Variants in GPHN observed in about 807,000 individuals in gnomAD.
GPHN encodes the protein gephyrin.
GPHN carries 17 observed loss-of-function variants against 95.5 expected under a neutral mutation model. The observed-to-expected ratio is 0.18, with a 90% CI of 0.12 to 0.27. GPHN has a LOEUF of 0.27. Ranked by LOEUF, GPHN falls within the 10% of genes least tolerant of loss-of-function variation. The pLI is 1.00. For missense variants in GPHN, 660 were observed against 978.1 expected (o/e 0.67, Z 4.34); for synonymous variants, 320 against 322.5 (o/e 0.99, Z 0.08).
intron 2 of GPHN, among the ~76,000 whole-genome samples, chr14:66,726,544 G>A (rs983497599): frequency 6.6e-6 from 1 of 152,092 alleles, no homozygotes; most frequent in East Asian, 1.9e-4. Context: ...ACTATTAATA[G>A]CTGGAAAATG....
the GPHN span, chr14:67,695,699 A>G: frequency 6.2e-7 from 1 of 1,614,088 alleles, no homozygotes; most frequent in Non-Finnish European, 8.5e-7. Context: ...CATGAGCTCA[A>G]CCATCTCTGC....
At chr14:67,064,128 A>G (rs538187782) in intron 11 of GPHN, among the ~76,000 whole-genome samples, 22 of 152,242 alleles carry the variant, frequency 1.4e-4, no homozygotes, top group Non-Finnish European at 2.6e-4. Flanking sequence ...GTTTATTGAG[A>G]GTTTTTAGCA....
At chr14:67,125,548 G>T (rs577840627) in intron 17 of GPHN, among the ~76,000 whole-genome samples, 1 of 152,166 alleles carries the variant, frequency 6.6e-6, no homozygotes, top group African/African-American at 2.4e-5. Flanking sequence ...AGGCCAAGGC[G>T]GGCGGATCAC....
chr14:67,638,726 T>C, the GPHN span, among the ~76,000 whole-genome samples: 1 of 152,124 alleles, frequency 6.6e-6, no homozygotes, highest in Non-Finnish European at 1.5e-5. Context: ...ATAAATCCCT[T>C]TAGAGGAGGC....
At chr14:67,078,147 AGCAAAAT>A (rs1165947874) in intron 11 of GPHN, among the ~76,000 whole-genome samples, 4 of 152,170 alleles carry the variant, frequency 2.6e-5, no homozygotes, top group Non-Finnish European at 5.9e-5. Flanking sequence ...CCTAACCTTC[AGCAAAAT>A]GAAATGCTCA....
chr14:67,569,176 G>C, the GPHN span: 1 of 1,613,190 alleles, frequency 6.2e-7, no homozygotes, highest in Non-Finnish European at 8.5e-7. Context: ...CGGGCATGCG[G>C]CTCTCAGATA....
intron 12 of GPHN, among the ~76,000 whole-genome samples, chr14:67,092,149 C>T (rs2077175302): frequency 6.6e-6 from 1 of 152,040 alleles, no homozygotes; most frequent in Admixed American, 6.6e-5. Context: ...TACCTCCTCA[C>T]TTTTTTGTCT....
intron 2 of GPHN, among the ~76,000 whole-genome samples, chr14:66,687,815 A>C (rs528356797): frequency 2.0e-5 from 3 of 152,164 alleles, no homozygotes; most frequent in Non-Finnish European, 2.9e-5. Flanking sequence ...ATTCATAAAC[A>C]TAGGATGTGT....
intron 18 of GPHN, among the ~76,000 whole-genome samples, chr14:67,150,171 G>A (rs925584051): frequency 4.6e-5 from 7 of 151,834 alleles, no homozygotes; most frequent in Admixed American, 6.6e-5. Flanking sequence ...GGCCGGGCGC[G>A]GTGGCTCACG....
At chr14:66,580,389 G>A (rs1409830006) in intron 1 of GPHN, among the ~76,000 whole-genome samples, 2 of 151,498 alleles carry the variant, frequency 1.3e-5, no homozygotes, top group Non-Finnish European at 3.0e-5. Flanking sequence ...AATTATAAAA[G>A]CAATAGAAGA....
the GPHN span, chr14:67,733,966 T>C: frequency 5.6e-6 from 4 of 717,918 alleles, no homozygotes; most frequent in Non-Finnish European, 9.9e-6. Flanking sequence ...GAATCCTGCC[T>C]GCTCTGATCC....
intron 2 of GPHN, chr14:66,760,562 G>A: frequency 3.0e-6 from 1 of 337,570 alleles, no homozygotes; most frequent in Non-Finnish European, 5.8e-6. Flanking sequence ...TTTCTGTTCA[G>A]GGCCCATCTA....
the GPHN span, among the ~76,000 whole-genome samples, chr14:67,351,954 A>G: frequency 1.5e-4 from 23 of 151,940 alleles, no homozygotes; most frequent in Non-Finnish European, 2.1e-4. Flanking sequence ...CAAATTGTCA[A>G]TAAGCATGAA....
chr14:67,138,545 T>C (rs992548087), intron 17 of GPHN, among the ~76,000 whole-genome samples: 1 of 152,220 alleles, frequency 6.6e-6, no homozygotes, highest in Non-Finnish European at 1.5e-5. Flanking sequence ...ACTCAGTTTT[T>C]ATATGTTAAA....
At chr14:67,112,767 A>T (rs867817145) in intron 15 of GPHN, among the ~76,000 whole-genome samples, 1 of 152,240 alleles carries the variant, frequency 6.6e-6, no homozygotes, top group South Asian at 2.1e-4. Flanking sequence ...AATTTCAAAT[A>T]TGAAGTAACA....
intron 9 of GPHN, among the ~76,000 whole-genome samples, chr14:66,978,222 G>A (rs897918115): frequency 1.3e-5 from 2 of 152,308 alleles, no homozygotes. Context: ...TCAGGGTAGT[G>A]GCTGCTGAAG....
chr14:66,693,848 A>G (rs1212343494), intron 2 of GPHN, among the ~76,000 whole-genome samples: 1 of 152,208 alleles, frequency 6.6e-6, no homozygotes, highest in Non-Finnish European at 1.5e-5. Context: ...CATTTTCATA[A>G]TACTCTGTTA....
intron 3 of GPHN, among the ~76,000 whole-genome samples, chr14:66,793,604 T>C (rs1595919576): frequency 6.6e-6 from 1 of 152,166 alleles, no homozygotes; most frequent in Non-Finnish European, 1.5e-5. Flanking sequence ...TATATCTGTG[T>C]GTGATTGTGT....
At chr14:67,016,084 A>C (rs1429115441) in intron 9 of GPHN, among the ~76,000 whole-genome samples, 5 of 152,198 alleles carry the variant, frequency 3.3e-5, no homozygotes, top group African/African-American at 1.2e-4. Context: ...ATTTGATAAA[A>C]GACAGCAAAT....
Sources: gnomAD v4.1 joint callset for allele counts (sites outside exome capture counted in the v4.1 genomes callset) on GRCh38, gnomAD v4.1.1 for gene constraint, MANE v1.5 for transcripts, NCBI Gene and HGNC (gene_info 2026-07-23, HGNC 2026-07-21) for gene names.